Variants in DYSF observed in about 807,000 individuals in gnomAD.
DYSF encodes the protein dystrophy-associated fer-1-like 1.
A neutral mutation model predicts 274.9 loss-of-function variants in DYSF; 212 were observed. The ratio of observed to expected loss-of-function variants is 0.77; its 90% CI spans 0.69 to 0.86. DYSF has a LOEUF of 0.86. Among genes scored for constraint, DYSF ranks in the 40% least tolerant of loss-of-function variants. DYSF has a pLI of 0.00. For synonymous variants in DYSF, 1,091 were observed against 1,078.7 expected (o/e 1.01, Z -0.22); for missense variants, 2,666 against 2,783.2 (o/e 0.96, Z 0.95).
intron 45 of DYSF, 92 bp from the exon 46 acceptor site, chr2:71,664,176 A>G: frequency 6.5e-7 from 1 of 1,528,550 alleles, no homozygotes. Flanking sequence ...AGGAAAGAAG[A>G]CTCCCTGGGG....
intron 9 of DYSF, 56 bp downstream of exon 9, chr2:71,516,298 C>G (rs947488398): frequency 2.6e-6 from 4 of 1,526,568 alleles, no homozygotes; most frequent in Non-Finnish European, 3.6e-6. Flanking sequence ...ACATAGGTGT[C>G]AGTGCACACG....
intron 11 of DYSF, among the ~76,000 whole-genome samples, chr2:71,520,455 C>G (rs1559066192): frequency 6.6e-6 from 1 of 152,222 alleles, no homozygotes; most frequent in African/African-American, 2.4e-5. Flanking sequence ...TTACTGGACA[C>G]TGGGCTCACG....
At chr2:71,582,400 C>T (rs1558533944) in intron 30 of DYSF, among the ~76,000 whole-genome samples, 1 of 152,186 alleles carries the variant, frequency 6.6e-6, no homozygotes, top group Admixed American at 6.5e-5. Flanking sequence ...TCAGCACTCC[C>T]ATTCCATTTT....
At chr2:71,453,771 C>G in exon 1 of DYSF, 2 of 586,082 alleles carry the variant, frequency 3.4e-6, no homozygotes, top group Non-Finnish European at 6.1e-6. Flanking sequence ...GGCTGACAAG[C>G]GGGGTGAGCG....
At chr2:71,642,822 C>T (rs568557529) in intron 41 of DYSF, among the ~76,000 whole-genome samples, 5 of 152,302 alleles carry the variant, frequency 3.3e-5, no homozygotes, top group African/African-American at 1.2e-4. Context: ...TAAGCTGGAG[C>T]TCAGAGCACT....
intron 43 of DYSF, among the ~76,000 whole-genome samples, chr2:71,657,432 G>A (rs2094795164): frequency 1.3e-5 from 2 of 152,276 alleles, no homozygotes; most frequent in East Asian, 1.9e-4. Context: ...CCATTCTAGG[G>A]TCTGGAGGAA....
intron 34 of DYSF, among the ~76,000 whole-genome samples, chr2:71,601,071 G>T (rs1368706129): frequency 6.6e-6 from 1 of 152,182 alleles, no homozygotes; most frequent in Non-Finnish European, 1.5e-5. Flanking sequence ...CTCCTGACGT[G>T]GTTTCTGGGA....
At chr2:71,584,820 G>A (rs1309444101) in intron 30 of DYSF, among the ~76,000 whole-genome samples, 1 of 152,242 alleles carries the variant, frequency 6.6e-6, no homozygotes, top group Non-Finnish European at 1.5e-5. Flanking sequence ...CAGAGATGAT[G>A]CAGCTAAGGA....
chr2:71,612,890 A>C (rs1345402647), intron 39 of DYSF, 84 bp downstream of exon 39: 21 of 1,483,318 alleles, frequency 1.4e-5, no homozygotes, highest in Admixed American at 2.1e-5. Context: ...ATGCATCCTG[A>C]AACCCTTCTC....
chr2:71,602,083 C>T (rs927661466), intron 35 of DYSF, among the ~76,000 whole-genome samples: 4 of 152,138 alleles, frequency 2.6e-5, no homozygotes, highest in South Asian at 2.1e-4. Flanking sequence ...TCTTCCTGGA[C>T]GGGGGCTTCA....
At chr2:71,589,318 C>A (rs1314920818) in intron 30 of DYSF, among the ~76,000 whole-genome samples, 1 of 152,230 alleles carries the variant, frequency 6.6e-6, no homozygotes, top group Non-Finnish European at 1.5e-5. Flanking sequence ...TCCTTCTAAT[C>A]TCTTTGCCTG....
chr2:71,511,195 G>T (rs527281502), intron 4 of DYSF, among the ~76,000 whole-genome samples: 78 of 152,354 alleles, frequency 5.1e-4, no homozygotes, highest in African/African-American at 1.4e-3. Context: ...CTCTCTGGCC[G>T]GTGCAAGCCG....
intron 13 of DYSF, 72 bp downstream of exon 13, chr2:71,526,418 T>TGGGGGGGGGGGGGGGGGGGGGGGGGTG: frequency 3.8e-6 from 1 of 261,504 alleles, no homozygotes; most frequent in Non-Finnish European, 7.0e-6. Context: ...GGGTGGGCGA[T>TGGGGGGGGGGGGGGGGGGGGGGGGGTG]GGCGGGCGGG....
chr2:71,466,467 G>A (rs954268059), upstream of DYSF, among the ~76,000 whole-genome samples: 1 of 152,192 alleles, frequency 6.6e-6, no homozygotes. Context: ...AGGCCCCACG[G>A]CGCCTTGTGC....
At chr2:71,528,582 C>T (rs949918014) in intron 14 of DYSF, among the ~76,000 whole-genome samples, 181 bp downstream of exon 14, 1 of 152,246 alleles carries the variant, frequency 6.6e-6, no homozygotes, top group East Asian at 1.9e-4. Context: ...GACTGCCCCG[C>T]ACACGAATGT....
In DYSF at chr2:71,645,895, G is replaced by T. The variant is rs563281853; in HGVS notation, c.4626+1832G>T. Among the ~76,000 whole-genome samples, 15 of 152,286 alleles carry T rather than the reference G, an allele frequency of 9.8e-5. No homozygotes were observed. The South Asian group carries it at 3.1e-3, about 32-fold the overall frequency. ...GTGGGCACAGGCTGTTAGACACATA[G>T]GAAAGGCCCCAAGAGCCCTTTGGAG... On this transcript the variant is annotated intron_variant, in intron 42 of 55. Coordinates refer to ENST00000410020, the MANE Select transcript of DYSF (RefSeq NM_001130987.2).
intron 12 of DYSF, among the ~76,000 whole-genome samples, chr2:71,522,810 G>T (rs748472629): frequency 4.6e-5 from 7 of 152,106 alleles, no homozygotes; most frequent in Non-Finnish European, 7.4e-5. Flanking sequence ...TTAGGAAATT[G>T]CATGATTATC....
rs181786284 is a variant in DYSF, at chr2:71,570,581, C to A, written c.3086-18C>A. 3.7e-6 allele frequency: 6 copies of A among 1,612,496 alleles called. No individual in the cohort carries two copies. The highest frequency in any genetic ancestry group is 3.4e-6 in the Non-Finnish European group (4 of 1,179,488). ...GGGGAACTGCCAAGCAATGAGTGAC[C>A]GGTTCCCCCTCCCCCAGGCTGGGAG... On this transcript the variant is annotated intron_variant, in intron 28 of 55. Transcript: ENST00000410020.
intron 23 of DYSF, 66 bp downstream of exon 23, chr2:71,562,010 G>A: frequency 2.6e-6 from 4 of 1,564,590 alleles, no homozygotes; most frequent in Non-Finnish European, 3.5e-6. Context: ...AGAACTGGCA[G>A]GGACAAGGCG....
Sources: gnomAD v4.1 joint callset for allele counts (sites outside exome capture counted in the v4.1 genomes callset) on GRCh38, gnomAD v4.1.1 for gene constraint, MANE v1.5 for transcripts, NCBI Gene and HGNC (gene_info 2026-07-23, HGNC 2026-07-21) for gene names.